The following LINGO2 variants were observed in gnomAD, a reference collection of about 807,000 sequenced individuals.
The protein encoded by LINGO2 is leucine rich repeat and Ig domain containing 2, also known as leucine-rich repeat and immunoglobulin-like domain-containing nogo receptor-interacting protein 2.
In LINGO2, 14 loss-of-function variants were observed where a neutral mutation model predicts 30.6. The ratio of observed to expected loss-of-function variants is 0.46; its 90% CI spans 0.30 to 0.72. The LOEUF (loss-of-function observed/expected upper bound fraction) is 0.72, where lower values mean the gene tolerates loss of function less well. Among genes scored for constraint, LINGO2 ranks in the 30% least tolerant of loss-of-function variants. LINGO2 has a pLI of 0.07. For synonymous variants in LINGO2, 317 were observed against 288.5 expected, an observed-to-expected ratio of 1.10 and a Z score of -1.00; for missense variants, 729 against 751.7, an observed-to-expected ratio of 0.97 and a Z score of 0.35.
chr9:28,107,992 T>C (rs1158980693), intron 4 of LINGO2, among the ~76,000 whole-genome samples: 1 of 152,136 alleles, frequency 6.6e-6, no homozygotes, highest in Non-Finnish European at 1.5e-5. Context: ...GGAGTTGTTA[T>C]AAAAGGAACA....
At chr9:28,379,364 A>AT (rs1382361303) in intron 2 of LINGO2, among the ~76,000 whole-genome samples, 5 of 152,130 alleles carry the variant, frequency 3.3e-5, no homozygotes, top group African/African-American at 4.8e-5. Flanking sequence ...TGAAATCATG[A>AT]TTTTTTTCTC....
intron 3 of LINGO2, among the ~76,000 whole-genome samples, chr9:28,341,624 T>TA (rs942927424): frequency 2.6e-5 from 4 of 152,194 alleles, no homozygotes; most frequent in Non-Finnish European, 1.5e-5. Context: ...ACTCAGCAAC[T>TA]AAATGGATAA....
chr9:28,303,620 C>T lies in LINGO2; in HGVS notation c.-245-8254G>A, dbSNP rs561231189. The stretch of plus-strand genomic sequence containing the variant: ...TAGATTAACACGTGTTTTGTGTGCT[C>T]TATTTATTAAATACTGTAATCTTAC... On this transcript the variant is annotated intron_variant, in intron 3 of 5. Transcript: ENST00000379992. 1.4e-4 allele frequency among the ~76,000 whole-genome samples: 22 copies of T among 151,964 alleles called. No homozygotes were observed. The East Asian group carries it at 4.3e-3, about 29-fold the overall frequency.
At chr9:29,147,261 T>G in the LINGO2 span, among the ~76,000 whole-genome samples, 2 of 152,160 alleles carry the variant, frequency 1.3e-5, no homozygotes, top group Non-Finnish European at 2.9e-5. Context: ...GTGAGACCTT[T>G]GGATATAATA....
At chr9:28,736,359 C>G in the LINGO2 span, among the ~76,000 whole-genome samples, 1 of 152,100 alleles carries the variant, frequency 6.6e-6, no homozygotes, top group Non-Finnish European at 1.5e-5. Context: ...GCAGTATGTG[C>G]TTAGGAGTCA....
At chr9:28,770,347 A>G in the LINGO2 span, among the ~76,000 whole-genome samples, 1 of 152,156 alleles carries the variant, frequency 6.6e-6, no homozygotes, top group Admixed American at 6.6e-5. Context: ...TCCTATTACA[A>G]GTCTTCAGTC....
At chr9:29,123,186 C>T in the LINGO2 span, among the ~76,000 whole-genome samples, 1 of 152,000 alleles carries the variant, frequency 6.6e-6, no homozygotes, top group South Asian at 2.1e-4. Context: ...CACTAGACTA[C>T]ACCAGTTTTT....
chr9:28,712,846 C>T, the LINGO2 span, among the ~76,000 whole-genome samples: 2 of 151,910 alleles, frequency 1.3e-5, no homozygotes, highest in African/African-American at 4.8e-5. Context: ...CAACTCAATT[C>T]CTAATTTTTT....
intron 2 of LINGO2, among the ~76,000 whole-genome samples, chr9:28,407,117 A>T (rs1822545409): frequency 6.6e-6 from 1 of 152,144 alleles, no homozygotes; most frequent in Non-Finnish European, 1.5e-5. Flanking sequence ...ATATGTATGC[A>T]CTTATGATAG....
chr9:28,099,725 T>C (rs180858598), intron 4 of LINGO2, among the ~76,000 whole-genome samples: 52 of 152,276 alleles, frequency 3.4e-4, no homozygotes, highest in Admixed American at 2.4e-3. Flanking sequence ...ACTATCCTCA[T>C]GAAATATTGA....
the LINGO2 span, among the ~76,000 whole-genome samples, chr9:29,044,591 T>C: frequency 4.6e-5 from 7 of 152,206 alleles, no homozygotes; most frequent in East Asian, 1.3e-3. Flanking sequence ...ATTCTACTTC[T>C]GGGAATTTAT....
the LINGO2 span, among the ~76,000 whole-genome samples, chr9:29,064,145 A>T: frequency 6.6e-6 from 1 of 152,164 alleles, no homozygotes; most frequent in Non-Finnish European, 1.5e-5. Context: ...AATTTATTTT[A>T]AAAACAAGCT....
At chr9:28,325,897 C>A (rs1195034193) in intron 3 of LINGO2, among the ~76,000 whole-genome samples, 1 of 152,168 alleles carries the variant, frequency 6.6e-6, no homozygotes, top group Non-Finnish European at 1.5e-5. Context: ...TTTATTTAAA[C>A]AGAGTTGAGC....
chr9:29,093,305 A>G, the LINGO2 span, among the ~76,000 whole-genome samples: 3 of 133,376 alleles, frequency 2.2e-5, no homozygotes, highest in Non-Finnish European at 3.2e-5. Flanking sequence ...TGAGTAGGGT[A>G]ATTCAAAAGG....
the LINGO2 span, among the ~76,000 whole-genome samples, chr9:28,946,942 T>A: frequency 6.6e-6 from 1 of 152,094 alleles, no homozygotes; most frequent in African/African-American, 2.4e-5. Context: ...TCAGGTAGGC[T>A]ACCTAAAGCA....
At chr9:28,541,311 G>A (rs1354941996) in intron 1 of LINGO2, among the ~76,000 whole-genome samples, 1 of 152,016 alleles carries the variant, frequency 6.6e-6, no homozygotes, top group African/African-American at 2.4e-5. Context: ...TTGGCAGTAG[G>A]TTTAAAAAAA....
At position 28,323,327 on chromosome 9, in the gene LINGO2, C is replaced by T. The variant is rs895474673; in HGVS notation, c.-245-27961G>A. ...AGTAATATAAGAAACAACCTGGGTG[C>T]GGTGGCTCACGCCTGTAATCCCAAC... On this transcript the variant is annotated intron_variant, in intron 3 of 5. Transcript: ENST00000379992. Among the ~76,000 whole-genome samples, 25 of 152,092 alleles carry T rather than the reference C, an allele frequency of 1.6e-4. 1 individual carries two copies. Among genetic ancestry groups the T allele is most frequent in the Admixed American group, 1.2e-3 (19 of 15,264 alleles).
chr9:28,596,437 T>C (rs1217604009), intron 1 of LINGO2, among the ~76,000 whole-genome samples: 1 of 152,194 alleles, frequency 6.6e-6, no homozygotes, highest in Non-Finnish European at 1.5e-5. Flanking sequence ...GTTGGATGCT[T>C]CTTAACAAAT....
the LINGO2 span, among the ~76,000 whole-genome samples, chr9:28,940,296 G>C: frequency 6.6e-6 from 1 of 151,990 alleles, no homozygotes; most frequent in African/African-American, 2.4e-5. Context: ...TCCTCAGCCT[G>C]GCCTTCAAAA....
Sources: gnomAD v4.1 joint callset for allele counts (sites outside exome capture counted in the v4.1 genomes callset) on GRCh38, gnomAD v4.1.1 for gene constraint, MANE v1.5 for transcripts, NCBI Gene and HGNC (gene_info 2026-07-23, HGNC 2026-07-21) for gene names.